The following AP5Z1 variants were observed in gnomAD, a reference collection of about 807,000 sequenced individuals.
AP5Z1 encodes the protein AP-5 complex subunit zeta-1.
Under a neutral mutation model 83.0 loss-of-function variants are expected in AP5Z1, and 106 were observed. The ratio of observed to expected loss-of-function variants is 1.28; its 90% CI spans 1.09 to 1.50. The LOEUF (loss-of-function observed/expected upper bound fraction) is 1.50, where lower values mean the gene tolerates loss of function less well. AP5Z1 is among the 40% of genes most tolerant of loss of function. The pLI, the probability that AP5Z1 is intolerant of heterozygous loss-of-function variation, is 0.00. For synonymous variants in AP5Z1, 751 were observed against 514.1 expected (o/e 1.46, Z -6.23); for missense variants, 1,565 against 1,094.2 (o/e 1.43, Z -6.07).
chr7:4,790,778 A>C lies in AP5Z1; in HGVS notation c.2044A>C (p.Thr682Pro), dbSNP rs774449627. 6.2e-7 allele frequency: 1 copy of C among 1,608,796 alleles called. No individual in the cohort carries two copies. Among genetic ancestry groups the C allele is most frequent in the East Asian group, 2.2e-5 (1 of 44,754 alleles). The change falls in exon 16 of 17, where the codon ACC becomes CCC. Residue 682 changes from threonine to proline, a missense_variant. By Grantham distance (38) the Thr-to-Pro change is conservative. Coordinates refer to ENST00000649063, the MANE Select transcript of AP5Z1 (RefSeq NM_014855.3). Reference protein sequence around the residue: ...EALEALLFEVTQCRPSAALPR... With the variant: ...EALEALLFEVPQCRPSAALPR... ...CCTGGAGGCTCTGCTATTCGAGGTC[A>C]CCCAGTGCCGCCCCTCTGCTGCCCT...
At chr7:4,775,822 T>G (rs1583222254) in intron 1 of AP5Z1, 66 bp downstream of exon 1, 1 of 1,574,474 alleles carries the variant, frequency 6.4e-7, no homozygotes, top group Non-Finnish European at 8.6e-7. Flanking sequence ...CGGGGGTGGG[T>G]CTCACAGGGC....
In AP5Z1 at chr7:4,784,412, G is replaced by T. The variant is rs370982257; in HGVS notation, c.790+41G>T. ...GGATGACGTCAGACAGGGGTGGGAG[G>T]TGGGCGCACTATGGGTTGGTCGCAG... On this transcript the variant is annotated intron_variant, in intron 6 of 16. Coordinates refer to ENST00000649063, the MANE Select transcript of AP5Z1 (RefSeq NM_014855.3). The T allele has an allele frequency of 2.5e-3, 3,832 of 1,543,942 alleles. 36 individuals are homozygous for T. The highest frequency in any genetic ancestry group is 3.0e-3 in the Non-Finnish European group (3,462 of 1,145,246).
chr7:4,784,282 ACGAC>A lies in AP5Z1; in HGVS notation c.703_706del (p.Asp235SerfsTer3). On this transcript the variant is annotated frameshift_variant, in exon 6 of 17. Transcript: ENST00000649063. LOFTEE classifies it high-confidence loss of function. Reference sequence around the variant, plus strand: ...CTCTCCAGCGGCCACCGCTTCACAGACGACCAGTGGCTGAACGTGCAGGCCTTCT... The same window carrying A: ...CTCTCCAGCGGCCACCGCTTCACAGACAGTGGCTGAACGTGCAGGCCTTCT... The A allele has an allele frequency of 6.2e-7, 1 of 1,602,348 alleles. No individual in the cohort carries two copies. Among genetic ancestry groups the A allele is most frequent in the Non-Finnish European group, 8.5e-7 (1 of 1,175,542 alleles).
chr7:4,786,500 C>A, intron 10 of AP5Z1, 72 bp downstream of exon 10: 1 of 1,557,940 alleles, frequency 6.4e-7, no homozygotes, highest in Non-Finnish European at 8.8e-7. Context: ...CTCTTTCCAG[C>A]GGGGTTCAGG....
intron 3 of AP5Z1, among the ~76,000 whole-genome samples, chr7:4,782,883 CT>C (rs887775940): frequency 4.6e-5 from 7 of 152,236 alleles, no homozygotes; most frequent in Non-Finnish European, 7.3e-5. Context: ...AGCCGCCCTC[CT>C]CCCTGCCCTG....
intron 13 of AP5Z1, 49 bp downstream of exon 13, chr7:4,789,000 G>C (rs781192566): frequency 3.9e-6 from 6 of 1,528,174 alleles, no homozygotes; most frequent in Non-Finnish European, 5.4e-6. Flanking sequence ...TCACAACTGA[G>C]GGGCAGGCCA....
intron 1 of AP5Z1, among the ~76,000 whole-genome samples, 181 bp from the exon 2 acceptor site, chr7:4,780,994 A>C (rs1781365334): frequency 6.6e-6 from 1 of 152,200 alleles, no homozygotes; most frequent in South Asian, 2.1e-4. Context: ...TCCCAGGGTG[A>C]GAGGAACCAG....
intron 11 of AP5Z1, 96 bp from the exon 12 acceptor site, chr7:4,788,058 T>G: frequency 4.3e-5 from 62 of 1,431,584 alleles, no homozygotes; most frequent in Non-Finnish European, 5.1e-5. Context: ...CGAGGTGCTG[T>G]GATATTAGGG....
Position 4,784,986 on chromosome 7 carries a change from G to T in AP5Z1, c.869G>T (p.Arg290Leu). 1 of 1,612,124 alleles carries T rather than the reference G, an allele frequency of 6.2e-7. No individual in the cohort carries two copies. The highest frequency in any genetic ancestry group is 8.5e-7 in the Non-Finnish European group (1 of 1,179,476). The change falls in exon 7 of 17, where the codon CGG (arginine) becomes CTG (leucine). Residue 290 changes from arginine to leucine, a missense_variant. By Grantham distance (102) the Arg-to-Leu change is moderately radical (BLOSUM62 -2). Transcript: ENST00000649063. ...TCTGCCGGCCGCCTGCTGCCGCCCC[G>T]GGAGCGGCTTCGGGAGGTGGCCTTC... ...TSSAGRLLPPRERLREVAFEY... is the reference protein window; with the variant it reads ...TSSAGRLLPPLERLREVAFEY...
At chr7:4,790,229 G>T in intron 14 of AP5Z1, 1 of 1,549,578 alleles carries the variant, frequency 6.5e-7, no homozygotes. Flanking sequence ...ATGCATGCAG[G>T]CCCATCCTGG....
intron 1 of AP5Z1, among the ~76,000 whole-genome samples, chr7:4,779,036 AT>A (rs1562402631): frequency 6.9e-6 from 1 of 145,166 alleles, no homozygotes; most frequent in Non-Finnish European, 1.5e-5. Flanking sequence ...ATCTCAAAAA[AT>A]ATATATATAG....
chr7:4,779,534 C>A (rs958876734), intron 1 of AP5Z1, among the ~76,000 whole-genome samples: 1 of 151,050 alleles, frequency 6.6e-6, no homozygotes, highest in African/African-American at 2.4e-5. Context: ...AGTGCAGTGG[C>A]ACAATCTCAG....
chr7:4,789,981 T>TCCTCCCCC, intron 14 of AP5Z1, 52 bp downstream of exon 14: 1 of 1,350,366 alleles, frequency 7.4e-7, no homozygotes, highest in Non-Finnish European at 9.9e-7. Context: ...CCTCCTGGAC[T>TCCTCCCCC]CCTCCCCCTC....
In AP5Z1 at chr7:4,792,702, A is replaced by AGGCTGGCGCT. The variant is rs1403366664; in HGVS notation, c.*1321_*1330dup. On this transcript the variant is annotated 3_prime_UTR_variant, in exon 17 of 17. Coordinates refer to ENST00000649063, the MANE Select transcript of AP5Z1 (RefSeq NM_014855.3). The stretch of plus-strand genomic sequence containing the variant: ...GGCCGCTGAGCCGGGGCCGCAGGAA[A>AGGCTGGCGCT]GGCTGGCGCTGGCAGGCGCTTCCGT... The AGGCTGGCGCT allele has an allele frequency of 6.6e-6, 1 of 152,220 alleles. No homozygotes were observed. Among genetic ancestry groups the AGGCTGGCGCT allele is most frequent in the Non-Finnish European group, 1.5e-5 (1 of 68,044 alleles). The allele number at this position is 152,220 out of a possible 1,614,324, so 9.4% of individuals were successfully genotyped here.
intron 12 of AP5Z1, 121 bp from the exon 13 acceptor site, chr7:4,788,719 G>A (rs1583238245): frequency 1.2e-6 from 1 of 859,790 alleles, no homozygotes; most frequent in East Asian, 2.8e-5. Context: ...GGTCCCGAGA[G>A]GCGATGAGTG....
rs773754717 is a variant in AP5Z1 at position 4,790,576 on chromosome 7, C to G, written c.1923C>G (p.Ser641Arg). 6.2e-7 allele frequency: 1 copy of G among 1,612,926 alleles called. No homozygotes were observed. The highest frequency in any genetic ancestry group is 2.2e-5 in the East Asian group (1 of 44,890). Reference sequence around the variant, plus strand: ...TGAATGGTCTCTGCAGCAGGGCGAGCCTCGTCACCAGCGTGGTAAGGCGGG... The same window carrying G: ...TGAATGGTCTCTGCAGCAGGGCGAGGCTCGTCACCAGCGTGGTAAGGCGGG... ...GSVNGLCSRASLVTSVVWAIG... is the reference protein window; with the variant it reads ...GSVNGLCSRARLVTSVVWAIG... Residue 641 changes from serine (S) to arginine (R), a missense_variant, in exon 15 of 17, where the codon AGC becomes AGG. Transcript: ENST00000649063.
intron 3 of AP5Z1, 119 bp downstream of exon 3, chr7:4,781,873 T>C: frequency 8.2e-7 from 1 of 1,212,124 alleles, no homozygotes; most frequent in Non-Finnish European, 1.1e-6. Flanking sequence ...CGCATCTCGG[T>C]GCTGAGTGCC....
In AP5Z1 at chr7:4,783,543, T is replaced by TG. The variant is rs1385544519; in HGVS notation, c.511+89dup. On this transcript the variant is annotated intron_variant, in intron 4 of 16. Coordinates refer to ENST00000649063, the MANE Select transcript of AP5Z1 (RefSeq NM_014855.3). ...GAGGGCCCATGGTGGGTTGGGAGTG[T>TG]GGGGGGCAGGTGGGGGACACGGGGA... The TG allele has an allele frequency of 3.8e-5, 50 of 1,331,340 alleles. No homozygotes were observed. In the South Asian group the frequency reaches 4.7e-4, roughly 13 times the overall value. 82.5% of individuals were successfully genotyped at this position (1,331,340 alleles called of 1,614,324 possible).
chr7:4,786,328 C>G lies in AP5Z1; in HGVS notation c.1211C>G (p.Pro404Arg). ...ATCCCGGTGGAGCAGTTCCACAGCCCCATGCTGGCCTTTGAATTCATCCAG... is the reference window on the plus strand; with the variant it reads ...ATCCCGGTGGAGCAGTTCCACAGCCGCATGCTGGCCTTTGAATTCATCCAG... ...TRIPVEQFHS[P>R]MLAFEFIQFC... is the part of the protein sequence containing the mutation. The change falls in exon 10 of 17, where the codon CCC (proline) becomes CGC (arginine). Residue 404 changes from proline to arginine, a missense_variant. Transcript: ENST00000649063. 3.1e-6 allele frequency: 5 copies of G among 1,613,866 alleles called. No individual in the cohort carries two copies. The highest frequency in any genetic ancestry group is 4.2e-6 in the Non-Finnish European group (5 of 1,179,840).
Sources: gnomAD v4.1 joint callset for allele counts (sites outside exome capture counted in the v4.1 genomes callset) on GRCh38, gnomAD v4.1.1 for gene constraint, MANE v1.5 for transcripts, NCBI Gene and HGNC (gene_info 2026-07-23, HGNC 2026-07-21) for gene names.